The following XPO7 variants were observed in gnomAD, a reference collection of about 807,000 sequenced individuals.
XPO7 encodes the protein exportin 7, also known as exportin-7.
XPO7 carries 21 observed loss-of-function variants against 144.3 expected under a neutral mutation model. The ratio of observed to expected loss-of-function variants is 0.15; its 90% confidence interval spans 0.10 to 0.21. The LOEUF (loss-of-function observed/expected upper bound fraction) is 0.21. XPO7 is among the 10% of genes least tolerant of loss of function. XPO7 has a pLI of 1.00. For missense variants in XPO7, 808 were observed against 1,325.8 expected, an observed-to-expected ratio of 0.61 and a Z score of 6.06; for synonymous variants, 580 against 499.6, an observed-to-expected ratio of 1.16 and a Z score of -2.15.
intron 1 of XPO7, among the ~76,000 whole-genome samples, chr8:21,935,412 C>T (rs575342252): frequency 3.3e-5 from 5 of 152,312 alleles, no homozygotes; most frequent in South Asian, 2.1e-4. Flanking sequence ...TTAATTTGGA[C>T]ATTTTGCCTA....
rs541046078 is a variant in XPO7 at position 21,965,639 on chromosome 8, G to A, written c.19-1218G>A. ...TGATCTTAGGGCGTCAGTATTCATC[G>A]TTCTTGTTTCCTTTCAGTTAGTGTT... On this transcript the variant is annotated intron_variant, in intron 1 of 27. Transcript: ENST00000252512. 4.6e-5 allele frequency among the ~76,000 whole-genome samples: 7 copies of A among 152,242 alleles called. No homozygotes were observed. The South Asian group carries it at 1.5e-3, about 32-fold the overall frequency.
At chr8:21,990,638 T>C in intron 17 of XPO7, 173 bp from the exon 18 acceptor site, 2 of 720,028 alleles carry the variant, frequency 2.8e-6, no homozygotes, top group Non-Finnish European at 2.3e-6. Context: ...TGCAGATAAA[T>C]TAGTAGTAGT....
At chr8:21,951,333 T>C (rs1811364646) in intron 1 of XPO7, among the ~76,000 whole-genome samples, 1 of 152,050 alleles carries the variant, frequency 6.6e-6, no homozygotes, top group Non-Finnish European at 1.5e-5. Context: ...ACACTTCTAT[T>C]ATATACCCAC....
intron 5 of XPO7, among the ~76,000 whole-genome samples, chr8:21,972,579 T>C (rs552094897): frequency 5.3e-5 from 8 of 152,332 alleles, no homozygotes; most frequent in African/African-American, 1.9e-4. Context: ...TCCTATATAC[T>C]TTAAATTTTT....
intron 1 of XPO7, among the ~76,000 whole-genome samples, chr8:21,937,851 G>A (rs1810870112): frequency 6.6e-6 from 1 of 152,262 alleles, no homozygotes; most frequent in African/African-American, 2.4e-5. Flanking sequence ...ACGTAAATGA[G>A]AATCTTCAAA....
intron 4 of XPO7, among the ~76,000 whole-genome samples, chr8:21,971,096 CACTT>C (rs1190224920): frequency 1.3e-5 from 2 of 152,180 alleles, no homozygotes; most frequent in African/African-American, 4.8e-5. Flanking sequence ...GATACACAAA[CACTT>C]ACCATTGTTA....
intron 1 of XPO7, among the ~76,000 whole-genome samples, chr8:21,943,068 T>C (rs1811047300): frequency 6.6e-6 from 1 of 152,234 alleles, no homozygotes; most frequent in Admixed American, 6.5e-5. Context: ...GTATAAATAA[T>C]GTCTTGGTAT....
rs757161802 is a variant in XPO7, at chr8:21,980,428, G to A, written c.957+225G>A. 9.9e-5 allele frequency among the ~76,000 whole-genome samples: 15 copies of A among 152,086 alleles called. 1 individual carries two copies. The highest frequency in any genetic ancestry group is 3.3e-4 in the Admixed American group (5 of 15,260). On this transcript the variant is annotated intron_variant, in intron 9 of 27. Coordinates refer to ENST00000252512, the MANE Select transcript of XPO7 (RefSeq NM_015024.5). ...AGGAGTTACAGGAAAGAATCACTTC[G>A]CTATAAGGAAATAAGGAAGAAGCTA...
chr8:21,990,879 C>G lies in XPO7; in HGVS notation c.2001C>G (p.Thr667=). 1 of 1,613,962 alleles carries G rather than the reference C, an allele frequency of 6.2e-7. No homozygotes were observed. The stretch of plus-strand genomic sequence containing the variant: ...TGACAGACATGCGGTGTCGGACTAC[C>G]TTCTACACAGCACTTGGGCGTCTCC... ...SNLTDMRCRT[T]FYTALGRLLM... Residue 667 remains threonine, a synonymous_variant, in exon 18 of 28, where the codon ACC becomes ACG. Transcript: ENST00000252512.
rs542523834 is a variant in XPO7 at position 22,003,415 on chromosome 8, C to T, written c.3042+98C>T. 5.3e-5 allele frequency: 48 copies of T among 905,652 alleles called. No homozygotes were observed. The African/African-American group carries it at 5.9e-4, about 11-fold the overall frequency. 56.1% of individuals were successfully genotyped at this position (905,652 alleles called of 1,614,324 possible). Reference sequence around the variant, plus strand: ...GAGAAATGTGTATAGAAACACCCCACGGTGGTGAAACAGGGAAAATGGGTC... The same window carrying T: ...GAGAAATGTGTATAGAAACACCCCATGGTGGTGAAACAGGGAAAATGGGTC... On this transcript the variant is annotated intron_variant, in intron 26 of 27. Transcript: ENST00000252512.
intron 1 of XPO7, among the ~76,000 whole-genome samples, chr8:21,934,120 G>T (rs1026230578): frequency 5.9e-5 from 9 of 152,142 alleles, no homozygotes; most frequent in African/African-American, 1.9e-4. Context: ...CCTTGCTTTC[G>T]TAGTTCTTAT....
At chr8:21,950,129 T>C (rs948663911) in intron 1 of XPO7, among the ~76,000 whole-genome samples, 3 of 152,190 alleles carry the variant, frequency 2.0e-5, no homozygotes, top group African/African-American at 4.8e-5. Flanking sequence ...TCATTTTTGT[T>C]AGAGATTTGC....
intron 12 of XPO7, 74 bp from the exon 13 acceptor site, chr8:21,985,512 A>G: frequency 7.5e-7 from 1 of 1,341,696 alleles, no homozygotes; most frequent in Non-Finnish European, 1.1e-6. Context: ...TCTTAAGATT[A>G]AGGAAGTTCA....
chr8:21,934,136 C>T (rs190130884), intron 1 of XPO7, among the ~76,000 whole-genome samples: 2 of 152,098 alleles, frequency 1.3e-5, no homozygotes, highest in East Asian at 1.9e-4. Context: ...CTTATAGATA[C>T]TCAGTAAATT....
chr8:21,932,709 G>A (rs549501801), intron 1 of XPO7, among the ~76,000 whole-genome samples: 2 of 152,118 alleles, frequency 1.3e-5, no homozygotes, highest in Admixed American at 1.3e-4. Context: ...TATTTCTAAC[G>A]TTTAAATGTT....
At position 21,985,665 on chromosome 8, in the gene XPO7, C is replaced by A; in HGVS notation, c.1551C>A (p.Asp517Glu). 6.2e-7 allele frequency: 1 copy of A among 1,613,696 alleles called. No homozygotes were observed. The highest frequency in any genetic ancestry group is 8.5e-7 in the Non-Finnish European group (1 of 1,179,888). The change falls in exon 13 of 28, where the codon GAC becomes GAA. Residue 517 changes from aspartate (D) to glutamate (E), a missense_variant. By Grantham distance (45) the Asp-to-Glu change is conservative. This residue lies in a region of XPO7 where 416 missense variants were observed against 612.5 expected (regional missense o/e 0.68). Transcript: ENST00000252512. ...RVSFASTDEQ[D>E]AMDGELVCRV... Reference sequence around the variant, plus strand: ...CTTTTGCCAGCACTGATGAGCAAGACGCCATGGATGGTGAGCTTGTCTGTC... The same window carrying A: ...CTTTTGCCAGCACTGATGAGCAAGAAGCCATGGATGGTGAGCTTGTCTGTC...
intron 1 of XPO7, among the ~76,000 whole-genome samples, chr8:21,935,214 A>G (rs1308715460): frequency 1.3e-5 from 2 of 152,228 alleles, no homozygotes; most frequent in Non-Finnish European, 2.9e-5. Flanking sequence ...CCAGGCATCT[A>G]AAAGGACTTT....
intron 1 of XPO7, among the ~76,000 whole-genome samples, chr8:21,961,732 G>T (rs1025495330): frequency 5.9e-5 from 9 of 152,078 alleles, no homozygotes; most frequent in Non-Finnish European, 1.2e-4. Flanking sequence ...GCAGGATCTT[G>T]GCTCACTGCA....
At chr8:21,947,662 C>T (rs1244156129) in intron 1 of XPO7, among the ~76,000 whole-genome samples, 1 of 152,206 alleles carries the variant, frequency 6.6e-6, no homozygotes, top group Admixed American at 6.5e-5. Flanking sequence ...AGGAAAAGAT[C>T]TCTCCAACAG....
Sources: gnomAD v4.1 joint callset for allele counts (sites outside exome capture counted in the v4.1 genomes callset) on GRCh38, gnomAD v4.1.1 for gene constraint, gnomAD v4.1.1 regional missense constraint, MANE v1.5 for transcripts, NCBI Gene and HGNC (gene_info 2026-07-23, HGNC 2026-07-21) for gene names.